Variants in VWA3B observed in about 807,000 individuals in gnomAD.
The protein encoded by VWA3B is von Willebrand factor A domain containing 3B, also known as von Willebrand factor A domain-containing protein 3B.
A neutral mutation model predicts 158.3 loss-of-function variants in VWA3B; 138 were observed. The ratio of observed to expected loss-of-function variants is 0.87; its 90% CI spans 0.76 to 1.00. VWA3B has a LOEUF of 1.00. Among genes scored for constraint, VWA3B ranks in the 50% least tolerant of loss-of-function variants. The pLI is 0.00. For missense variants in VWA3B, 1,555 were observed against 1,565.1 expected (o/e 0.99, Z 0.11); for synonymous variants, 596 against 587.3 (o/e 1.01, Z -0.21).
chr2:98,118,665 G>C (rs952671052), intron 3 of VWA3B, among the ~76,000 whole-genome samples: 1 of 152,140 alleles, frequency 6.6e-6, no homozygotes, highest in African/African-American at 2.4e-5. Context: ...CCAGGCATTT[G>C]AGCCAGCAAC....
chr2:98,200,454 A>G (rs552329163), intron 12 of VWA3B, among the ~76,000 whole-genome samples: 81 of 151,500 alleles, frequency 5.3e-4, no homozygotes, highest in South Asian at 5.3e-3. Flanking sequence ...AGGCAAGAGA[A>G]TGGCATGAAC....
chr2:98,328,967 G>T, the VWA3B span, among the ~76,000 whole-genome samples: 1 of 152,148 alleles, frequency 6.6e-6, no homozygotes, highest in Non-Finnish European at 1.5e-5. Context: ...ATAAGGTGTG[G>T]TTTTGGTGAA....
chr2:98,186,180 G>A (rs1165885606), intron 9 of VWA3B, among the ~76,000 whole-genome samples: 5 of 122,220 alleles, frequency 4.1e-5, no homozygotes, highest in Non-Finnish European at 8.3e-5. Context: ...TTTTTTTGCA[G>A]AATATACACT....
chr2:98,307,732 A>C (rs113602895), intron 26 of VWA3B, among the ~76,000 whole-genome samples: 1 of 152,374 alleles, frequency 6.6e-6, no homozygotes, highest in African/African-American at 2.4e-5. Context: ...AAATGAGGCC[A>C]TCTAAAAAAA....
intron 7 of VWA3B, among the ~76,000 whole-genome samples, chr2:98,134,273 G>A (rs1397320782): frequency 2.0e-5 from 3 of 152,202 alleles, no homozygotes; most frequent in Admixed American, 2.0e-4. Context: ...AGGCTGCAGA[G>A]AGGGTGCCTG....
intron 20 of VWA3B, among the ~76,000 whole-genome samples, chr2:98,252,904 T>C (rs1686889757): frequency 6.6e-6 from 1 of 152,188 alleles, no homozygotes; most frequent in South Asian, 2.1e-4. Context: ...ATATTGTCAC[T>C]ATATTGTTAT....
chr2:98,112,777 A>G (rs993027036), intron 2 of VWA3B, among the ~76,000 whole-genome samples: 1 of 151,938 alleles, frequency 6.6e-6, no homozygotes, highest in Non-Finnish European at 1.5e-5. Flanking sequence ...GACTCAAATC[A>G]TAGTTTGCTA....
chr2:98,245,234 T>G (rs1190060146), intron 19 of VWA3B, among the ~76,000 whole-genome samples: 1 of 151,924 alleles, frequency 6.6e-6, no homozygotes, highest in East Asian at 1.9e-4. Context: ...GACCAGGTGG[T>G]TTTATTCCCT....
rs1220185339 is a variant in VWA3B, at chr2:98,312,475, C to G, written c.*126C>G. 2 of 1,197,286 alleles carry G rather than the reference C, an allele frequency of 1.7e-6. No individual in the cohort carries two copies. The highest frequency in any genetic ancestry group is 2.5e-5 in the East Asian group (1 of 39,586). 74.2% of individuals were successfully genotyped at this position (1,197,286 alleles called of 1,614,324 possible). On this transcript the variant is annotated 3_prime_UTR_variant, in exon 28 of 28. Coordinates refer to ENST00000477737, the MANE Select transcript of VWA3B (RefSeq NM_144992.5). Reference sequence around the variant, plus strand: ...GCCCTCCGCGCCGCCTATGCCTGCCCTGTCTGTAGCAAAGACTCCTCTCCC... The same window carrying G: ...GCCCTCCGCGCCGCCTATGCCTGCCGTGTCTGTAGCAAAGACTCCTCTCCC...
intron 8 of VWA3B, among the ~76,000 whole-genome samples, chr2:98,169,091 C>A (rs543922172): frequency 6.6e-6 from 1 of 152,072 alleles, no homozygotes; most frequent in South Asian, 2.1e-4. Flanking sequence ...TAAAAGCAGC[C>A]AGAACAACAA....
intron 12 of VWA3B, chr2:98,207,704 G>T: frequency 2.4e-6 from 1 of 410,826 alleles, no homozygotes; most frequent in South Asian, 2.0e-5. Context: ...GGCAGAAGCT[G>T]ATACGCTGGC....
rs368502038 is a variant in VWA3B, at chr2:98,093,191, C to T, written c.99C>T (p.Leu33=). 6.8e-6 allele frequency: 11 copies of T among 1,613,992 alleles called. No homozygotes were observed. The African/African-American group carries it at 1.3e-4, about 20-fold the overall frequency. ...NTKTDLAEQS[L]ISSEKWLQLH... Reference sequence around the variant, plus strand: ...AAACAGACTTGGCTGAGCAGAGTCTCATTTCATCTGAGAAATGGCTTCAAC... The same window carrying T: ...AAACAGACTTGGCTGAGCAGAGTCTTATTTCATCTGAGAAATGGCTTCAAC... The change falls in exon 2 of 28, where the codon CTC becomes CTT. Residue 33 remains leucine, a synonymous_variant. Coordinates refer to ENST00000477737, the MANE Select transcript of VWA3B (RefSeq NM_144992.5).
chr2:98,130,702 G>C (rs372055430), intron 6 of VWA3B, among the ~76,000 whole-genome samples: 3 of 152,184 alleles, frequency 2.0e-5, no homozygotes, highest in African/African-American at 4.8e-5. Context: ...CACAGGGTTG[G>C]GGGTAGCGTT....
At chr2:98,198,823 CT>C (rs1228542169) in intron 12 of VWA3B, among the ~76,000 whole-genome samples, 1 of 152,098 alleles carries the variant, frequency 6.6e-6, no homozygotes, top group Non-Finnish European at 1.5e-5. Flanking sequence ...CACTTGACCC[CT>C]GCCTGTAATC....
At chr2:98,288,031 G>T (rs13414590) in intron 22 of VWA3B, among the ~76,000 whole-genome samples, 2,344 of 152,164 alleles carry the variant, frequency 0.015, 60 homozygotes, top group African/African-American at 0.053. Context: ...TATTTCAAGA[G>T]TATTTACCCT....
At chr2:98,300,296 G>A in intron 25 of VWA3B, 80 bp downstream of exon 25, 1 of 1,583,848 alleles carries the variant, frequency 6.3e-7, no homozygotes, top group Non-Finnish European at 8.6e-7. Flanking sequence ...GCTTCTTGAT[G>A]AATGGTTTCC....
intron 8 of VWA3B, among the ~76,000 whole-genome samples, chr2:98,178,095 C>G (rs557440026): frequency 1.3e-5 from 2 of 152,260 alleles, no homozygotes; most frequent in African/African-American, 4.8e-5. Context: ...GGAGGCTGAT[C>G]TCCCTGACAG....
At chr2:98,322,240 A>C in the VWA3B span, among the ~76,000 whole-genome samples, 1 of 152,222 alleles carries the variant, frequency 6.6e-6, no homozygotes, top group East Asian at 1.9e-4. Context: ...AAGCTGCTGG[A>C]GAGTTTATTC....
chr2:98,321,472 T>C, the VWA3B span, among the ~76,000 whole-genome samples: 3 of 152,088 alleles, frequency 2.0e-5, no homozygotes, highest in Admixed American at 1.3e-4. Context: ...CAACCAGAAA[T>C]GGGGCTGTAC....
Sources: allele counts gnomAD v4.1 joint callset (sites outside exome capture counted in the v4.1 genomes callset), GRCh38; gene constraint gnomAD v4.1.1; transcripts MANE v1.5; gene names NCBI Gene and HGNC (gene_info 2026-07-23, HGNC 2026-07-21).